Variants in NELL1 observed in about 807,000 individuals in gnomAD.
The protein encoded by NELL1 is neural EGFL like 1, also known as protein kinase C-binding protein NELL1.
NELL1 carries 76 observed loss-of-function variants against 107.4 expected under a neutral mutation model. The observed-to-expected ratio is 0.71, with a 90% CI of 0.59 to 0.86. The LOEUF (loss-of-function observed/expected upper bound fraction) is 0.86, where lower values mean the gene tolerates loss of function less well. Ranked by LOEUF, NELL1 falls within the 40% of genes least tolerant of loss-of-function variation. The pLI is 0.00. For synonymous variants in NELL1, 353 were observed against 341.2 expected (o/e 1.03, Z -0.38); for missense variants, 1,024 against 1,005.5 (o/e 1.02, Z -0.25).
At chr11:20,793,741 T>G (rs1240871593) in intron 3 of NELL1, among the ~76,000 whole-genome samples, 2 of 152,158 alleles carry the variant, frequency 1.3e-5, no homozygotes, top group Non-Finnish European at 2.9e-5. Flanking sequence ...GTTAAAGCAG[T>G]GTTTAAATAT....
At chr11:21,118,785 A>AT (rs886742491) in intron 13 of NELL1, among the ~76,000 whole-genome samples, 2 of 151,854 alleles carry the variant, frequency 1.3e-5, no homozygotes, top group Non-Finnish European at 2.9e-5. Flanking sequence ...TCAAGGTCAT[A>AT]TTTTTTTCCT....
At chr11:20,916,797 A>G (rs909716213) in intron 5 of NELL1, among the ~76,000 whole-genome samples, 1 of 151,896 alleles carries the variant, frequency 6.6e-6, no homozygotes, top group Non-Finnish European at 1.5e-5. Context: ...AAAATGTGAC[A>G]ATTTCAGTTT....
chr11:21,063,208 G>A (rs1853784811), intron 12 of NELL1, among the ~76,000 whole-genome samples: 1 of 152,082 alleles, frequency 6.6e-6, no homozygotes, highest in African/African-American at 2.4e-5. Context: ...GACACAGAAG[G>A]TGAGTTCTGG....
intron 13 of NELL1, among the ~76,000 whole-genome samples, chr11:21,210,805 A>T (rs1446047676): frequency 6.6e-6 from 1 of 152,062 alleles, no homozygotes; most frequent in Non-Finnish European, 1.5e-5. Context: ...ACCTGGTTGT[A>T]TTTCATTTTT....
chr11:20,919,325 G>T lies in NELL1; in HGVS notation c.750G>T (p.Met250Ile), dbSNP rs1850327438. The change falls in exon 7 of 20, where the codon ATG becomes ATT. Residue 250 changes from methionine (M) to isoleucine (I), a missense_variant. By Grantham distance (10) the Met-to-Ile change is conservative (BLOSUM62 1). Transcript: ENST00000357134. ...ATTTACAAGAGCTTTTGGCCAAGAT[G>T]ACTGCAAAAGTAGGTATCTAAATTT... Reference protein sequence around the residue: ...IMDLQELLAKMTAKLNYAETR... With the variant: ...IMDLQELLAKITAKLNYAETR... The T allele has an allele frequency of 1.3e-6, 2 of 1,584,598 alleles. No individual in the cohort carries two copies. The highest frequency in any genetic ancestry group is 1.7e-6 in the Non-Finnish European group (2 of 1,157,226).
At chr11:21,346,317 T>A (rs1014462916) in intron 14 of NELL1, among the ~76,000 whole-genome samples, 1 of 152,028 alleles carries the variant, frequency 6.6e-6, no homozygotes, top group Non-Finnish European at 1.5e-5. Context: ...TCAAGAGTAC[T>A]TCCCACCAGC....
At chr11:21,058,822 T>TC in intron 12 of NELL1, among the ~76,000 whole-genome samples, 1 of 152,294 alleles carries the variant, frequency 6.6e-6, no homozygotes, top group Non-Finnish European at 1.5e-5. Flanking sequence ...GCATTGAGTG[T>TC]CAGAGGGACT....
intron 14 of NELL1, among the ~76,000 whole-genome samples, chr11:21,361,629 A>G (rs994620873): frequency 6.6e-6 from 1 of 152,028 alleles, no homozygotes; most frequent in Non-Finnish European, 1.5e-5. Flanking sequence ...AATTATCCTT[A>G]TGTTTGCCCA....
At chr11:20,682,967 C>A (rs554801687) in intron 2 of NELL1, among the ~76,000 whole-genome samples, 2 of 152,068 alleles carry the variant, frequency 1.3e-5, no homozygotes, top group South Asian at 2.1e-4. Flanking sequence ...TTTATTTAAA[C>A]CAATAAAATA....
chr11:20,943,147 T>G (rs1224951055), intron 10 of NELL1, among the ~76,000 whole-genome samples: 1 of 152,160 alleles, frequency 6.6e-6, no homozygotes, highest in East Asian at 1.9e-4. Context: ...TGAGTGCATG[T>G]GAATAATTTT....
intron 4 of NELL1, among the ~76,000 whole-genome samples, chr11:20,856,447 A>G (rs1015118468): frequency 6.6e-6 from 1 of 152,182 alleles, no homozygotes; most frequent in African/African-American, 2.4e-5. Flanking sequence ...CACTTTTCTG[A>G]CAGCAAATTT....
chr11:20,786,826 G>T (rs914404555), intron 3 of NELL1, among the ~76,000 whole-genome samples: 4 of 151,760 alleles, frequency 2.6e-5, no homozygotes, highest in African/African-American at 9.7e-5. Context: ...GGCTAACACG[G>T]TGAAACCCCG....
At chr11:21,266,372 A>G (rs1277524839) in intron 14 of NELL1, among the ~76,000 whole-genome samples, 4 of 152,008 alleles carry the variant, frequency 2.6e-5, no homozygotes, top group Non-Finnish European at 5.9e-5. Context: ...TATAAGCTCC[A>G]AAAGATATCA....
At chr11:20,944,900 TAGA>T (rs1336932866) in intron 10 of NELL1, among the ~76,000 whole-genome samples, 6 of 152,346 alleles carry the variant, frequency 3.9e-5, no homozygotes, top group Admixed American at 2.6e-4. Context: ...TTTATAAAAA[TAGA>T]AGATTTGTGA....
intron 12 of NELL1, among the ~76,000 whole-genome samples, chr11:21,013,524 G>A (rs1377998105): frequency 6.6e-6 from 1 of 152,136 alleles, no homozygotes; most frequent in South Asian, 2.1e-4. Context: ...TGCCTAAATG[G>A]ACTGCTGAGG....
At chr11:20,702,094 C>T (rs1590217016) in intron 2 of NELL1, among the ~76,000 whole-genome samples, 2 of 152,190 alleles carry the variant, frequency 1.3e-5, no homozygotes, top group Admixed American at 1.3e-4. Flanking sequence ...TATAAATTAC[C>T]TTGGGCAGTA....
intron 3 of NELL1, among the ~76,000 whole-genome samples, chr11:20,791,367 T>G (rs1374308563): frequency 6.6e-6 from 1 of 152,228 alleles, no homozygotes; most frequent in Non-Finnish European, 1.5e-5. Context: ...AATTTCAATT[T>G]TTGGTTGCTC....
At chr11:20,991,991 C>CAAAAAAAAAAAAAAAAAA (rs57278158) in intron 12 of NELL1, among the ~76,000 whole-genome samples, 1 of 110,056 alleles carries the variant, frequency 9.1e-6, no homozygotes, top group African/African-American at 3.4e-5. Context: ...GTGTAGCATG[C>CAAAAAAAAAAAAAAAAAA]AAAAAAAAAA....
intron 13 of NELL1, among the ~76,000 whole-genome samples, chr11:21,163,783 C>T (rs1856423323): frequency 6.6e-6 from 1 of 152,048 alleles, no homozygotes; most frequent in Non-Finnish European, 1.5e-5. Context: ...CTTATAAGGG[C>T]ATTAATTTCA....
Sources: allele counts gnomAD v4.1 joint callset (sites outside exome capture counted in the v4.1 genomes callset), GRCh38; gene constraint gnomAD v4.1.1; transcripts MANE v1.5; gene names NCBI Gene and HGNC (gene_info 2026-07-23, HGNC 2026-07-21).